The following PDE2A variants were observed in gnomAD, a reference collection of about 807,000 sequenced individuals.
The protein encoded by PDE2A is cGMP-dependent 3',5'-cyclic phosphodiesterase.
Under a neutral mutation model 133.6 loss-of-function variants are expected in PDE2A, and 53 were observed. The observed-to-expected ratio is 0.40, with a 90% CI of 0.32 to 0.50. The LOEUF (loss-of-function observed/expected upper bound fraction) is 0.50. PDE2A is among the 20% of genes least tolerant of loss of function. PDE2A has a pLI of 0.73. For missense variants in PDE2A, 796 were observed against 1,232.4 expected (o/e 0.65, Z 5.30); for synonymous variants, 491 against 490.2 (o/e 1.00, Z -0.02).
rs544120706 is a variant in PDE2A at position 72,587,402 on chromosome 11, C to G, written c.1071-1221G>C. ...CACTGAGCTGAGCCCCACCCTGGCT[C>G]ATGCAGTCATTCAACACTCACTCCC... On this transcript the variant is annotated intron_variant, in intron 13 of 30. Transcript: ENST00000334456. Among the ~76,000 whole-genome samples the G allele has an allele frequency of 4.1e-4, 62 of 152,234 alleles. 1 individual carries two copies. The highest frequency in any genetic ancestry group is 1.4e-3 in the African/African-American group (56 of 41,450).
intron 2 of PDE2A, among the ~76,000 whole-genome samples, chr11:72,633,611 G>A (rs1035482977): frequency 4.6e-5 from 7 of 152,168 alleles, no homozygotes; most frequent in Non-Finnish European, 7.3e-5. Flanking sequence ...CCCGTGACAC[G>A]CTTGCACATG....
chr11:72,633,114 T>C (rs1046198150), intron 2 of PDE2A, among the ~76,000 whole-genome samples: 9 of 152,074 alleles, frequency 5.9e-5, no homozygotes, highest in African/African-American at 2.2e-4. Flanking sequence ...TAGCCGCCAG[T>C]TAGAGAACTG....
At chr11:72,589,361 C>T in intron 11 of PDE2A, 121 bp from the exon 12 acceptor site, 1 of 755,582 alleles carries the variant, frequency 1.3e-6, no homozygotes, top group Non-Finnish European at 2.3e-6. Context: ...AAATGGTGGA[C>T]AGGGTCAGCA....
chr11:72,661,885 G>A (rs949642575), intron 1 of PDE2A, among the ~76,000 whole-genome samples: 8 of 152,262 alleles, frequency 5.3e-5, no homozygotes, highest in East Asian at 1.9e-4. Context: ...TTCTGTTTTC[G>A]TTTCTGGGTC....
chr11:72,662,498 G>C (rs1855094500), intron 1 of PDE2A, among the ~76,000 whole-genome samples: 1 of 152,216 alleles, frequency 6.6e-6, no homozygotes, highest in Non-Finnish European at 1.5e-5. Flanking sequence ...GTTATCAAGA[G>C]ATATGCAACG....
rs1192568282 is a variant in PDE2A, at chr11:72,578,816, G to A, written c.2469+81C>T. On this transcript the variant is annotated intron_variant, in intron 28 of 30. Coordinates refer to ENST00000334456, the MANE Select transcript of PDE2A (RefSeq NM_002599.5). This position sits in a 1 kb window ranked among gnomAD's most constrained non-coding sequence, Gnocchi z 4.2. ...ACACAGCCAGGCTGAGCTGAGCAGAGAGAGGGTATTCAGGCACAGGGGGCA... is the reference window on the plus strand; with the variant it reads ...ACACAGCCAGGCTGAGCTGAGCAGAAAGAGGGTATTCAGGCACAGGGGGCA... 1.2e-6 allele frequency: 1 copy of A among 832,446 alleles called. No homozygotes were observed. Among genetic ancestry groups the A allele is most frequent in the Non-Finnish European group, 2.1e-6 (1 of 484,306 alleles). The allele number at this position is 832,446 out of a possible 1,614,324, so 51.6% of individuals were successfully genotyped here. A position where few individuals can be genotyped will look rare whatever the true frequency, so the allele number is the denominator to read the frequency against.
intron 2 of PDE2A, among the ~76,000 whole-genome samples, chr11:72,615,734 C>T (rs1275654718): frequency 6.6e-6 from 1 of 152,232 alleles, no homozygotes; most frequent in African/African-American, 2.4e-5. Flanking sequence ...CCATCACAGT[C>T]ATCCTGGTCA....
intron 19 of PDE2A, among the ~76,000 whole-genome samples, chr11:72,583,881 A>G (rs1249068141): frequency 1.3e-5 from 2 of 152,184 alleles, no homozygotes; most frequent in Non-Finnish European, 2.9e-5. Context: ...CTGGACACCG[A>G]GACCCAGCAC....
At position 72,597,706 on chromosome 11, in the gene PDE2A, C is replaced by G. The variant is rs1311981873; in HGVS notation, c.324-87G>C. On this transcript the variant is annotated intron_variant, in intron 4 of 30. Coordinates refer to ENST00000334456, the MANE Select transcript of PDE2A (RefSeq NM_002599.5). The surrounding 1 kb of genome is among the most constrained non-coding windows in gnomAD (Gnocchi z 4.6). ...CTGGGAACACAGGACAGTTTGGACCCTGCACATGTGCAAGGATCTGGGCAA... is the reference window on the plus strand; with the variant it reads ...CTGGGAACACAGGACAGTTTGGACCGTGCACATGTGCAAGGATCTGGGCAA... 7.1e-6 allele frequency: 6 copies of G among 844,552 alleles called. No homozygotes were observed. The African/African-American group carries it at 1.0e-4, about 14-fold the overall frequency. The allele number at this position is 844,552 out of a possible 1,614,324, so 52.3% of individuals were successfully genotyped here. A position where few individuals can be genotyped will look rare whatever the true frequency, so the allele number is the denominator to read the frequency against.
At chr11:72,673,061 T>C (rs925664321) in intron 1 of PDE2A, among the ~76,000 whole-genome samples, 10 of 151,916 alleles carry the variant, frequency 6.6e-5, no homozygotes, top group African/African-American at 1.9e-4. Context: ...AGAATACTTA[T>C]ACGCACACAG....
At chr11:72,589,727 C>G (rs771770826) in intron 11 of PDE2A, 24 bp downstream of exon 11, 2 of 1,612,790 alleles carry the variant, frequency 1.2e-6, no homozygotes, top group South Asian at 2.2e-5. Flanking sequence ...CAGACTCCAA[C>G]GAGAAGACAG....
intron 2 of PDE2A, among the ~76,000 whole-genome samples, chr11:72,632,506 G>T (rs536571336): frequency 5.3e-5 from 8 of 152,244 alleles, no homozygotes; most frequent in African/African-American, 1.9e-4. Context: ...TCACCCATGT[G>T]CCTGACTCTC....
chr11:72,598,445 G>T (rs991541577), intron 4 of PDE2A: 43 of 1,174,174 alleles, frequency 3.7e-5, no homozygotes, highest in Non-Finnish European at 3.8e-5. Context: ...GTTTCTCTCT[G>T]TCCCACCACA....
chr11:72,596,457 ATC>A (rs113104892), intron 6 of PDE2A, 134 bp downstream of exon 6: 23,320 of 159,126 alleles, frequency 0.15, 891 homozygotes, highest in East Asian at 0.34. Flanking sequence ...TATGGCTCCC[ATC>A]TCTCTCTCTC....
intron 1 of PDE2A, chr11:72,643,061 T>A (rs1158980890): frequency 6.5e-6 from 1 of 153,388 alleles, no homozygotes; most frequent in African/African-American, 2.4e-5. Context: ...TCTGTCGCCG[T>A]CCCCGGAGCC....
At chr11:72,633,141 G>A (rs906302843) in intron 2 of PDE2A, among the ~76,000 whole-genome samples, 3 of 152,178 alleles carry the variant, frequency 2.0e-5, no homozygotes, top group African/African-American at 4.8e-5. Context: ...GAGAACCAGG[G>A]CTTCTGATTC....
chr11:72,579,157 G>T (rs1591008221), intron 27 of PDE2A, 127 bp downstream of exon 27: 3 of 932,312 alleles, frequency 3.2e-6, no homozygotes, highest in East Asian at 2.4e-5. Flanking sequence ...TGCCTGGGGG[G>T]GGCCGTGCAG....
chr11:72,602,625 GT>G (rs1403116553), intron 4 of PDE2A, among the ~76,000 whole-genome samples: 1 of 152,160 alleles, frequency 6.6e-6, no homozygotes, highest in East Asian at 1.9e-4. Flanking sequence ...AAGAGAAGTC[GT>G]TTTCTCAAGG....
chr11:72,600,223 C>T (rs948401045), intron 4 of PDE2A, among the ~76,000 whole-genome samples: 1 of 152,108 alleles, frequency 6.6e-6, no homozygotes, highest in Admixed American at 6.5e-5. Context: ...GATTTCAGAA[C>T]GATCATGCTG....
Sources: allele counts gnomAD v4.1 joint callset (sites outside exome capture counted in the v4.1 genomes callset), GRCh38; gene constraint gnomAD v4.1.1; non-coding constraint Gnocchi (gnomAD v3.1); transcripts MANE v1.5; gene names NCBI Gene and HGNC (gene_info 2026-07-23, HGNC 2026-07-21).